MTF1: variants seen among roughly 807,000 people sequenced by gnomAD.
MTF1 encodes metal regulatory transcription factor 1.
A neutral mutation model predicts 70.4 loss-of-function variants in MTF1; 22 were observed. That is an observed-to-expected ratio of 0.31 (90% confidence interval 0.22 to 0.45). The LOEUF (loss-of-function observed/expected upper bound fraction) is 0.45. Among genes scored for constraint, MTF1 ranks in the 20% least tolerant of loss-of-function variants. The pLI, the probability that MTF1 is intolerant of heterozygous loss-of-function variation, is 1.00. For missense variants in MTF1, 649 were observed against 922.0 expected (o/e 0.70, Z 3.83); for synonymous variants, 333 against 352.8 (o/e 0.94, Z 0.63).
chr1:37,832,555 A>G (rs543369030), intron 6 of MTF1, among the ~76,000 whole-genome samples: 2 of 152,346 alleles, frequency 1.3e-5, no homozygotes, highest in East Asian at 3.9e-4. Context: ...TTATGTATAC[A>G]TGTACTATGC....
Position 37,823,774 on chromosome 1 carries a change from G to T in MTF1, c.1107C>A (p.Ile369=). ...AATTCTGGAACATTGATTCAAAGAT[G>T]ATTGCTGGTGAAATTGTGCTGAGGT... ...GQDLSTISPA[I]IFESMFQNSD... Residue 369 remains isoleucine, a synonymous_variant, in exon 8 of 11, where the codon ATC becomes ATA. Coordinates refer to ENST00000373036, the MANE Select transcript of MTF1 (RefSeq NM_005955.3). 1 of 1,614,116 alleles carries T rather than the reference G, an allele frequency of 6.2e-7. No individual in the cohort carries two copies. The highest frequency in any genetic ancestry group is 8.5e-7 in the Non-Finnish European group (1 of 1,179,988).
chr1:37,835,937 A>G (rs1211521804), intron 4 of MTF1, among the ~76,000 whole-genome samples, 193 bp from the exon 5 acceptor site: 3 of 151,944 alleles, frequency 2.0e-5, no homozygotes, highest in Non-Finnish European at 4.4e-5. Context: ...AGTAGCTGGG[A>G]CTACAGGTGC....
intron 7 of MTF1, among the ~76,000 whole-genome samples, chr1:37,825,108 C>T (rs1260517161): frequency 1.3e-5 from 2 of 152,130 alleles, no homozygotes; most frequent in East Asian, 1.9e-4. Flanking sequence ...AAAAGAAATA[C>T]GTGAAGCAAG....
In MTF1 at chr1:37,815,649, G is replaced by T; in HGVS notation, c.1832-83C>A. The T allele has an allele frequency of 1.8e-6, 2 of 1,102,710 alleles. No homozygotes were observed. Among genetic ancestry groups the T allele is most frequent in the Non-Finnish European group, 2.6e-6 (2 of 771,196 alleles). 68.3% of individuals were successfully genotyped at this position (1,102,710 alleles called of 1,614,324 possible). A position where few individuals can be genotyped will look rare whatever the true frequency, so the allele number is the denominator to read the frequency against. ...GGACAGGGATACATGGACTAGGTGAGAGCAGAGTGCCATGGGAACCATGGG... is the reference window on the plus strand; with the variant it reads ...GGACAGGGATACATGGACTAGGTGATAGCAGAGTGCCATGGGAACCATGGG... On this transcript the variant is annotated intron_variant, in intron 10 of 10. Coordinates refer to ENST00000373036, the MANE Select transcript of MTF1 (RefSeq NM_005955.3). The surrounding 1 kb of genome is among the most constrained non-coding windows in gnomAD (Gnocchi z 4.5).
chr1:37,834,997 A>C, intron 6 of MTF1, 82 bp downstream of exon 6: 1 of 1,455,058 alleles, frequency 6.9e-7, no homozygotes, highest in Non-Finnish European at 9.5e-7. Flanking sequence ...TACAGAGAAG[A>C]CATTTTAACC....
chr1:37,834,249 A>G lies in MTF1; in HGVS notation c.990+830T>C, dbSNP rs1018179135. ...AATAAAACAAAAATAAAAGCGAGGT[A>G]GATGAGATCAGAGAAGCAACCAGGC... On this transcript the variant is annotated intron_variant, in intron 6 of 10. Transcript: ENST00000373036. 4.6e-5 allele frequency among the ~76,000 whole-genome samples: 7 copies of G among 152,132 alleles called. No individual in the cohort carries two copies. The South Asian group carries it at 1.4e-3, about 32-fold the overall frequency.
rs1005380492 is a variant in MTF1 at position 37,859,523 on chromosome 1, C to T, written c.-52+8G>A. On this transcript the variant is annotated splice_region_variant and intron_variant, in intron 1 of 10. Coordinates refer to ENST00000373036, the MANE Select transcript of MTF1 (RefSeq NM_005955.3). ...CAAGCCCAGGCCGAGTCTAGTTTCG[C>T]CTTTTACCTCCGCGGCTCCCGGCAA... 5 of 399,020 alleles carry T rather than the reference C, an allele frequency of 1.3e-5. No individual in the cohort carries two copies. Among genetic ancestry groups the T allele is most frequent in the Non-Finnish European group, 1.8e-5 (4 of 226,498 alleles). 24.7% of individuals were successfully genotyped at this position (399,020 alleles called of 1,614,324 possible).
chr1:37,843,136 C>G (rs988808475), intron 2 of MTF1, among the ~76,000 whole-genome samples: 2 of 152,200 alleles, frequency 1.3e-5, no homozygotes, highest in Non-Finnish European at 2.9e-5. Context: ...CCCTCCTCAT[C>G]TTCCATAGTA....
At chr1:37,822,005 T>C (rs1225866252) in intron 9 of MTF1, 116 bp downstream of exon 9, 2 of 792,996 alleles carry the variant, frequency 2.5e-6, no homozygotes, top group Non-Finnish European at 4.0e-6. Flanking sequence ...AAGGTAGAAT[T>C]ACATGTTTCA....
At chr1:37,821,998 G>A in intron 9 of MTF1, 123 bp downstream of exon 9, 2 of 755,670 alleles carry the variant, frequency 2.6e-6, no homozygotes, top group South Asian at 2.0e-5. Flanking sequence ...TGACTAAAAG[G>A]TAGAATTACA....
rs145378364 is a variant in MTF1 at position 37,842,387 on chromosome 1, T to C, written c.409-2229A>G. Among the ~76,000 whole-genome samples, 724 of 152,366 alleles carry C rather than the reference T, an allele frequency of 4.8e-3. 5 individuals carry two copies. The highest frequency in any genetic ancestry group is 0.017 in the African/African-American group (696 of 41,584). Reference sequence around the variant, plus strand: ...CAATGCCCATGTATTTCTTAACCAGTTGGCAAGATGGCTTTACTGTAAGAA... The same window carrying C: ...CAATGCCCATGTATTTCTTAACCAGCTGGCAAGATGGCTTTACTGTAAGAA... On this transcript the variant is annotated intron_variant, in intron 2 of 10. Coordinates refer to ENST00000373036, the MANE Select transcript of MTF1 (RefSeq NM_005955.3).
intron 6 of MTF1, among the ~76,000 whole-genome samples, chr1:37,833,309 A>G (rs559309702): frequency 1.3e-5 from 2 of 152,362 alleles, no homozygotes; most frequent in East Asian, 3.9e-4. Context: ...GCTAATTAGC[A>G]GAAGACAAAT....
In MTF1 at chr1:37,812,783, C is replaced by G. The variant is rs535728676; in HGVS notation, c.*2353G>C. On this transcript the variant is annotated 3_prime_UTR_variant, in exon 11 of 11. Transcript: ENST00000373036. Reference sequence around the variant, plus strand: ...CTTACTTTGGGGTCCCATCACTACTCTCTCAGAAGTTGTAAACAGCAAGGG... The same window carrying G: ...CTTACTTTGGGGTCCCATCACTACTGTCTCAGAAGTTGTAAACAGCAAGGG... 6.6e-6 allele frequency: 1 copy of G among 152,366 alleles called. No individual in the cohort carries two copies. Among genetic ancestry groups the G allele is most frequent in the South Asian group, 2.1e-4 (1 of 4,828 alleles). The allele number at this position is 152,366 out of a possible 1,614,324, so 9.4% of individuals were successfully genotyped here.
chr1:37,815,773 C>T lies in MTF1; in HGVS notation c.1832-207G>A, dbSNP rs970744437. On this transcript the variant is annotated intron_variant, in intron 10 of 10. Coordinates refer to ENST00000373036, the MANE Select transcript of MTF1 (RefSeq NM_005955.3). This position sits in a 1 kb window ranked among gnomAD's most constrained non-coding sequence, Gnocchi z 4.5. Reference sequence around the variant, plus strand: ...CACTCCCCAGCCCGAGACAAAGTCCCGTTTCCTTAGAAAGTCACACACACG... The same window carrying T: ...CACTCCCCAGCCCGAGACAAAGTCCTGTTTCCTTAGAAAGTCACACACACG... Among the ~76,000 whole-genome samples, 4 of 152,116 alleles carry T rather than the reference C, an allele frequency of 2.6e-5. No homozygotes were observed. Among genetic ancestry groups the T allele is most frequent in the African/African-American group, 7.2e-5 (3 of 41,408 alleles).
rs188371313 is a variant in MTF1, at chr1:37,821,579, T to C, written c.1767+542A>G. Among the ~76,000 whole-genome samples, 68 of 152,314 alleles carry C rather than the reference T, an allele frequency of 4.5e-4. No homozygotes were observed. In the East Asian group the frequency reaches 5.2e-3, roughly 12 times the overall value. Reference sequence around the variant, plus strand: ...ATATTAGGCTTTCAAAGTTGTGAGATTGGCCACCCTGAGACAATTCTTCAC... The same window carrying C: ...ATATTAGGCTTTCAAAGTTGTGAGACTGGCCACCCTGAGACAATTCTTCAC... On this transcript the variant is annotated intron_variant, in intron 9 of 10. Coordinates refer to ENST00000373036, the MANE Select transcript of MTF1 (RefSeq NM_005955.3).
At chr1:37,834,449 T>A (rs1641133735) in intron 6 of MTF1, among the ~76,000 whole-genome samples, 1 of 152,026 alleles carries the variant, frequency 6.6e-6, no homozygotes, top group Non-Finnish European at 1.5e-5. Flanking sequence ...GCTTGGACCT[T>A]ATCTCTATTA....
At chr1:37,844,371 C>T (rs1157969750) in intron 2 of MTF1, among the ~76,000 whole-genome samples, 1 of 152,078 alleles carries the variant, frequency 6.6e-6, no homozygotes, top group Non-Finnish European at 1.5e-5. Flanking sequence ...TAACGCGAGC[C>T]TCAGGAACTA....
In MTF1 at chr1:37,832,303, C is replaced by G. The variant is rs1307222625; in HGVS notation, c.1010G>C (p.Cys337Ser). The stretch of plus-strand genomic sequence containing the variant: ...GGACAGAAGGCTCAAGTCACTTAGA[C>G]AAAGTGAGTGATTTGTATCCTGTGA... ...NGSEDTNHSL[C>S]LSDLSLLSTD... The change falls in exon 7 of 11, where the codon TGT becomes TCT. Residue 337 changes from cysteine (C) to serine (S), a missense_variant. Physicochemically the swap from Cys to Ser is moderately radical, Grantham distance 112. Around this residue, in one of 7 missense-constraint regions of MTF1, gnomAD observed 267 missense variants for 292.1 expected, o/e 0.91. Coordinates refer to ENST00000373036, the MANE Select transcript of MTF1 (RefSeq NM_005955.3). The G allele has an allele frequency of 6.2e-7, 1 of 1,612,844 alleles. No homozygotes were observed. Among genetic ancestry groups the G allele is most frequent in the Non-Finnish European group, 8.5e-7 (1 of 1,179,214 alleles).
At chr1:37,823,151 C>CAGTGTATCACATCAGAAGA (rs1640944547) in intron 8 of MTF1, among the ~76,000 whole-genome samples, 1 of 152,066 alleles carries the variant, frequency 6.6e-6, no homozygotes, top group Non-Finnish European at 1.5e-5. Context: ...AAAGAGCTCA[C>CAGTGTATCACATCAGAAGA]AAGGCTGGGC....
Sources: gnomAD v4.1 joint callset for allele counts (sites outside exome capture counted in the v4.1 genomes callset) on GRCh38, gnomAD v4.1.1 for gene constraint, gnomAD v4.1.1 regional missense constraint, Gnocchi (gnomAD v3.1) non-coding constraint, MANE v1.5 for transcripts, NCBI Gene and HGNC (gene_info 2026-07-23, HGNC 2026-07-21) for gene names.